PTPRQ: variants seen among roughly 807,000 people sequenced by gnomAD.
PTPRQ encodes the protein protein tyrosine phosphatase receptor type Q.
PTPRQ carries 199 observed loss-of-function variants against 246.0 expected under a neutral mutation model. That is an observed-to-expected ratio of 0.81 (90% CI 0.72 to 0.91). The LOEUF (loss-of-function observed/expected upper bound fraction) is 0.91. Among genes scored for constraint, PTPRQ ranks in the 40% least tolerant of loss-of-function variants. PTPRQ has a pLI of 0.00. For missense variants in PTPRQ, 2,624 were observed against 2,528.4 expected, an observed-to-expected ratio of 1.04 and a Z score of -0.81; for synonymous variants, 869 against 853.2, an observed-to-expected ratio of 1.02 and a Z score of -0.32.
chr12:80,594,635 A>G (rs1010998244), intron 26 of PTPRQ, among the ~76,000 whole-genome samples: 3 of 152,098 alleles, frequency 2.0e-5, no homozygotes, highest in Non-Finnish European at 4.4e-5. Context: ...TCCGTGTCTC[A>G]GTTTACTGCA....
intron 21 of PTPRQ, 86 bp from the exon 22 acceptor site, chr12:80,542,003 A>G: frequency 6.7e-7 from 1 of 1,489,588 alleles, no homozygotes. Flanking sequence ...ATCTGCTAAG[A>G]AAATCAAATC....
Position 80,506,438 on chromosome 12 carries a change from C to T in PTPRQ, c.2456-131C>T. The T allele has an allele frequency of 3.5e-6, 3 of 854,846 alleles. No homozygotes were observed. In the South Asian group the frequency reaches 6.0e-5, roughly 17 times the overall value. 53.0% of individuals were successfully genotyped at this position (854,846 alleles called of 1,614,324 possible). A position where few individuals can be genotyped will look rare whatever the true frequency, so the allele number is the denominator to read the frequency against. On this transcript the variant is annotated intron_variant, in intron 15 of 44. Transcript: ENST00000644991. The stretch of plus-strand genomic sequence containing the variant: ...TCTTCATAAATAAGAGCTACTATTG[C>T]CAAAGAATGACATTTTCACTTAGTT...
rs1304097910 is a variant in PTPRQ at position 80,504,485 on chromosome 12, T to G, written c.2273-1539T>G. Among the ~76,000 whole-genome samples the G allele has an allele frequency of 2.6e-5, 4 of 151,716 alleles. No homozygotes were observed. The Admixed American group carries it at 2.6e-4, about 10-fold the overall frequency. ...TATTTCAATATCTGGAATCTCAAAA[T>G]CTGACTACTGTGTATGTGTGTGTGT... On this transcript the variant is annotated intron_variant, in intron 14 of 44. Transcript: ENST00000644991.
intron 25 of PTPRQ, among the ~76,000 whole-genome samples, chr12:80,566,762 A>G (rs565184479): frequency 2.5e-4 from 38 of 152,238 alleles, no homozygotes; most frequent in Admixed American, 4.6e-4. Flanking sequence ...CTGGTCTCAA[A>G]CCACTGAACT....
intron 39 of PTPRQ, among the ~76,000 whole-genome samples, chr12:80,659,255 C>T (rs1454487632): frequency 6.6e-6 from 1 of 151,880 alleles, no homozygotes; most frequent in African/African-American, 2.4e-5. Flanking sequence ...GATTGATTCC[C>T]TCTAAAATGT....
chr12:80,450,349 C>T (rs1292913909), intron 3 of PTPRQ, among the ~76,000 whole-genome samples: 12 of 152,126 alleles, frequency 7.9e-5, no homozygotes, highest in African/African-American at 1.2e-4. Flanking sequence ...TTCCTCTTTT[C>T]CTAATTGAAT....
rs1896153908 is a variant in PTPRQ, at chr12:80,541,600, C to T, written c.3200C>T (p.Ser1067Leu). The change falls in exon 21 of 45, where the codon TCA becomes TTA. Residue 1067 changes from serine to leucine, a missense_variant. Transcript: ENST00000644991. The stretch of plus-strand genomic sequence containing the variant: ...AACCTGACTTACGAATCCATTTCGT[C>T]AACTGCAATAAATGTAAGCTGGGTC... ...VGNLTYESISSTAINVSWVPP... is the reference protein window; with the variant it reads ...VGNLTYESISLTAINVSWVPP... The T allele has an allele frequency of 1.9e-6, 3 of 1,540,120 alleles. No homozygotes were observed. The highest frequency in any genetic ancestry group is 2.6e-6 in the Non-Finnish European group (3 of 1,141,246).
intron 25 of PTPRQ, among the ~76,000 whole-genome samples, chr12:80,552,209 A>G (rs1165000051): frequency 1.3e-5 from 2 of 152,004 alleles, no homozygotes; most frequent in Non-Finnish European, 2.9e-5. Context: ...AGGTCCATCA[A>G]GGGGTGACAG....
intron 27 of PTPRQ, among the ~76,000 whole-genome samples, chr12:80,607,890 A>G (rs1002968148): frequency 1.3e-5 from 2 of 150,954 alleles, no homozygotes; most frequent in African/African-American, 4.8e-5. Context: ...GTGCATCAAG[A>G]CAAGGATGAA....
chr12:80,616,763 G>A (rs764515225), intron 30 of PTPRQ, among the ~76,000 whole-genome samples: 1 of 150,950 alleles, frequency 6.6e-6, no homozygotes, highest in East Asian at 1.9e-4. Context: ...CATGATTCTG[G>A]CAAGTATTTT....
At chr12:80,560,800 C>T (rs1199650003) in intron 25 of PTPRQ, among the ~76,000 whole-genome samples, 5 of 152,174 alleles carry the variant, frequency 3.3e-5, no homozygotes, top group Middle Eastern at 6.8e-3. Flanking sequence ...CTATAGGATA[C>T]CCTGTTTATT....
At chr12:80,531,825 T>A (rs1289455652) in intron 17 of PTPRQ, among the ~76,000 whole-genome samples, 1 of 152,180 alleles carries the variant, frequency 6.6e-6, no homozygotes, top group East Asian at 1.9e-4. Flanking sequence ...GAAAAAAATT[T>A]TTTTAGCTTA....
chr12:80,620,449 G>A, intron 32 of PTPRQ, 73 bp downstream of exon 32: 1 of 1,529,436 alleles, frequency 6.5e-7, no homozygotes, highest in East Asian at 2.5e-5. Flanking sequence ...CCATCTGCCT[G>A]TCCTTTCATC....
Position 80,529,795 on chromosome 12 carries a change from A to T in PTPRQ, c.2679-4220A>T, listed in dbSNP as rs533839918. On this transcript the variant is annotated intron_variant, in intron 17 of 44. Transcript: ENST00000644991. Reference sequence around the variant, plus strand: ...ACAACTACATCTTGTATTTTTACAGAATAATTTCAAAGTAATTAAATTTTT... The same window carrying T: ...ACAACTACATCTTGTATTTTTACAGTATAATTTCAAAGTAATTAAATTTTT... Among the ~76,000 whole-genome samples the T allele has an allele frequency of 3.9e-5, 6 of 152,296 alleles. No homozygotes were observed. The East Asian group carries it at 1.2e-3, about 29-fold the overall frequency.
intron 25 of PTPRQ, among the ~76,000 whole-genome samples, chr12:80,551,525 C>T (rs1896474685): frequency 6.6e-6 from 1 of 152,106 alleles, no homozygotes; most frequent in African/African-American, 2.4e-5. Flanking sequence ...TACAATTAGA[C>T]CATTTATACA....
chr12:80,588,462 G>A lies in PTPRQ; in HGVS notation c.4609+10G>A. 2 of 1,467,258 alleles carry A rather than the reference G, an allele frequency of 1.4e-6. No individual in the cohort carries two copies. The highest frequency in any genetic ancestry group is 1.5e-5 in the South Asian group (1 of 67,738). 90.9% of individuals were successfully genotyped at this position (1,467,258 alleles called of 1,614,324 possible). On this transcript the variant is annotated intron_variant, in intron 26 of 44. Transcript: ENST00000644991. ...AAAACTCTGCCTGGCCGTGAGTATT[G>A]TCCTGACATGTACATACTGATTTCT...
intron 16 of PTPRQ, 24 bp downstream of exon 16, chr12:80,506,694 T>C: frequency 5.9e-6 from 9 of 1,525,480 alleles, no homozygotes; most frequent in Non-Finnish European, 7.9e-6. Flanking sequence ...TGGATATTGA[T>C]ATACTTTGAT....
intron 6 of PTPRQ, chr12:80,462,019 A>G (rs1292581037): frequency 1.4e-6 from 1 of 700,976 alleles, no homozygotes; most frequent in South Asian, 1.5e-5. Context: ...GATGCAGGTC[A>G]GTGCGTGCAG....
intron 39 of PTPRQ, among the ~76,000 whole-genome samples, chr12:80,663,498 C>G (rs1900694944): frequency 6.6e-6 from 1 of 151,848 alleles, no homozygotes; most frequent in Non-Finnish European, 1.5e-5. Context: ...CCTAAAATTG[C>G]CAGCTTGAAT....
Sources: allele counts gnomAD v4.1 joint callset (sites outside exome capture counted in the v4.1 genomes callset), GRCh38; gene constraint gnomAD v4.1.1; transcripts MANE v1.5; gene names NCBI Gene and HGNC (gene_info 2026-07-23, HGNC 2026-07-21).